CARS1: variants seen among roughly 807,000 people sequenced by gnomAD.
CARS1 encodes cysteine--tRNA ligase, cytoplasmic.
Under a neutral mutation model 106.2 loss-of-function variants are expected in CARS1, and 48 were observed. The ratio of observed to expected loss-of-function variants is 0.45; its 90% CI spans 0.36 to 0.57. The LOEUF (loss-of-function observed/expected upper bound fraction) is 0.57. Among genes scored for constraint, CARS1 ranks in the 20% least tolerant of loss-of-function variants. The probability of loss-of-function intolerance (pLI) is 0.00; values close to 1 mark genes in which losing one functional copy is unlikely to be tolerated. For missense variants in CARS1, 968 were observed against 1,057.2 expected, an observed-to-expected ratio of 0.92 and a Z score of 1.17; for synonymous variants, 409 against 403.4, an observed-to-expected ratio of 1.01 and a Z score of -0.17.
At chr11:3,042,470 G>C in intron 2 of CARS1, 1 of 546,706 alleles carries the variant, frequency 1.8e-6, no homozygotes, top group Non-Finnish European at 3.3e-6. Flanking sequence ...TGTCGCCCAG[G>C]CCAGAGTGCA....
chr11:3,010,533 CTTA>C (rs1174668426), intron 18 of CARS1, among the ~76,000 whole-genome samples: 4 of 152,256 alleles, frequency 2.6e-5, no homozygotes, highest in Non-Finnish European at 5.9e-5. Flanking sequence ...GGCGATGGTG[CTTA>C]TGTGGTCAGG....
At chr11:3,011,377 G>A (rs946002098) in intron 18 of CARS1, among the ~76,000 whole-genome samples, 7 of 151,882 alleles carry the variant, frequency 4.6e-5, no homozygotes, top group East Asian at 3.9e-4. Context: ...AGGCCGAGGC[G>A]GGTGGATCAC....
At position 3,038,699 on chromosome 11, in the gene CARS1, A is replaced by G. The variant is rs900533763; in HGVS notation, c.651+495T>C. On this transcript the variant is annotated intron_variant, in intron 6 of 22. Transcript: ENST00000380525. This position sits in a 1 kb window ranked among gnomAD's most constrained non-coding sequence, Gnocchi z 4.0. ...TAATTAGTAGAGAGTAAAATGACCT[A>G]TTCTTACTATTGTAATAAAAATAAG... Among the ~76,000 whole-genome samples, 5 of 152,254 alleles carry G rather than the reference A, an allele frequency of 3.3e-5. No homozygotes were observed. Among genetic ancestry groups the G allele is most frequent in the African/African-American group, 1.2e-4 (5 of 41,468 alleles).
At position 3,002,063 on chromosome 11, in the gene CARS1, G is replaced by A. The variant is rs768984365; in HGVS notation, c.2278-10C>T. ...TGGCCAGCTTTGCTGCCTAGAACACGCAACACGGCACAGTCACTGCCCCCG... is the reference window on the plus strand; with the variant it reads ...TGGCCAGCTTTGCTGCCTAGAACACACAACACGGCACAGTCACTGCCCCCG... On this transcript the variant is annotated splice_polypyrimidine_tract_variant and intron_variant, in intron 21 of 22. Transcript: ENST00000380525. 17 of 1,596,928 alleles carry A rather than the reference G, an allele frequency of 1.1e-5. No individual in the cohort carries two copies. The highest frequency in any genetic ancestry group is 4.5e-5 in the East Asian group (2 of 44,770).
chr11:3,025,112 T>C lies in CARS1; in HGVS notation c.1153+1564A>G, dbSNP rs187067912. Among the ~76,000 whole-genome samples the C allele has an allele frequency of 5.3e-5, 8 of 152,278 alleles. No homozygotes were observed. The East Asian group carries it at 1.5e-3, about 29-fold the overall frequency. ...CTCTCAGAGCTGAGGCGCTTCATCA[T>C]CACAAACCCGCCCCTCTACTCCCAC... is the stretch of plus-strand genomic sequence containing the variant. On this transcript the variant is annotated intron_variant, in intron 10 of 22. Coordinates refer to ENST00000380525, the MANE Select transcript of CARS1 (RefSeq NM_001014437.3).
chr11:3,017,139 C>T lies in CARS1; in HGVS notation c.1884G>A (p.Glu628=). ...TATGGGTGAGGTACAGGGCGATGTT[C>T]TCCAGCAGAGCCTGGTTGGGCCTCT... ...VRKRPNQALL[E]NIALYLTHML... is the part of the protein sequence containing the mutation. Residue 628 remains glutamate (E), a synonymous_variant, in exon 16 of 23, where the codon GAG becomes GAA. Coordinates refer to ENST00000380525, the MANE Select transcript of CARS1 (RefSeq NM_001014437.3). The surrounding 1 kb of genome is among the most constrained non-coding windows in gnomAD (Gnocchi z 4.9). The T allele has an allele frequency of 6.2e-7, 1 of 1,614,122 alleles. No individual in the cohort carries two copies. Among genetic ancestry groups the T allele is most frequent in the Non-Finnish European group, 8.5e-7 (1 of 1,179,986 alleles).
chr11:3,001,260 G>C lies in CARS1; in HGVS notation c.2362-12C>G, dbSNP rs555907079. 2 of 1,612,542 alleles carry C rather than the reference G, an allele frequency of 1.2e-6. No homozygotes were observed. The highest frequency in any genetic ancestry group is 8.5e-7 in the Non-Finnish European group (1 of 1,179,970). On this transcript the variant is annotated splice_polypyrimidine_tract_variant and intron_variant, in intron 22 of 22. Transcript: ENST00000380525. ...TGTGTGGGCAGACCCTGAAAACCCAGAGCACAGCGGCTATTGGTCTCCTCT... is the reference window on the plus strand; with the variant it reads ...TGTGTGGGCAGACCCTGAAAACCCACAGCACAGCGGCTATTGGTCTCCTCT...
In CARS1 at chr11:3,028,962, C is replaced by A; in HGVS notation, c.1031+34G>T. ...CTCCTCCCTGTGCGATGTTCTGCAG[C>A]CCTTCCCTCCCTAGGGAAGGCCCTT... On this transcript the variant is annotated intron_variant, in intron 9 of 22. Transcript: ENST00000380525. The surrounding 1 kb of genome is among the most constrained non-coding windows in gnomAD (Gnocchi z 4.4). 7.0e-7 allele frequency: 1 copy of A among 1,431,998 alleles called. No individual in the cohort carries two copies. The highest frequency in any genetic ancestry group is 9.9e-7 in the Non-Finnish European group (1 of 1,014,686). 88.7% of individuals were successfully genotyped at this position (1,431,998 alleles called of 1,614,324 possible).
rs1026931764 is a variant in CARS1, at chr11:3,012,118, C to T, written c.2068+77G>A. The T allele has an allele frequency of 3.8e-6, 5 of 1,314,004 alleles. No homozygotes were observed. In the Admixed American group the frequency reaches 5.0e-5, roughly 13 times the overall value. 81.4% of individuals were successfully genotyped at this position (1,314,004 alleles called of 1,614,324 possible). A position where few individuals can be genotyped will look rare whatever the true frequency, so the allele number is the denominator to read the frequency against. ...ATGATCCGGCCTGAACGCCATAGTG[C>T]CTCGGGGGAGACGCCCGGTCCGGGG... is the stretch of plus-strand genomic sequence containing the variant. On this transcript the variant is annotated intron_variant, in intron 18 of 22. Coordinates refer to ENST00000380525, the MANE Select transcript of CARS1 (RefSeq NM_001014437.3).
In CARS1 at chr11:3,029,803, C is replaced by G. The variant is rs1011943099; in HGVS notation, c.802-360G>C. The G allele has an allele frequency of 7.7e-6, 2 of 258,670 alleles. No homozygotes were observed. The highest frequency in any genetic ancestry group is 1.5e-5 in the Non-Finnish European group (2 of 135,116). The allele number at this position is 258,670 out of a possible 1,614,324, so 16.0% of individuals were successfully genotyped here. A position where few individuals can be genotyped will look rare whatever the true frequency, so the allele number is the denominator to read the frequency against. ...GGCTGGGCAGGAGCACACAGTGTGTCACCTACAGCACAACCCCTTGGTGCA... is the reference window on the plus strand; with the variant it reads ...GGCTGGGCAGGAGCACACAGTGTGTGACCTACAGCACAACCCCTTGGTGCA... On this transcript the variant is annotated intron_variant, in intron 7 of 22. Transcript: ENST00000380525. The surrounding 1 kb of genome is among the most constrained non-coding windows in gnomAD (Gnocchi z 5.9).
intron 2 of CARS1, 46 bp downstream of exon 2, chr11:3,047,707 T>C: frequency 6.4e-7 from 1 of 1,569,106 alleles, no homozygotes; most frequent in Non-Finnish European, 8.7e-7. Flanking sequence ...GCCCTTGACC[T>C]TGGGAGAGAG....
Position 3,020,145 on chromosome 11 carries a change from C to T in CARS1, c.1266+75G>A. On this transcript the variant is annotated intron_variant, in intron 11 of 22. Coordinates refer to ENST00000380525, the MANE Select transcript of CARS1 (RefSeq NM_001014437.3). This position sits in a 1 kb window ranked among gnomAD's most constrained non-coding sequence, Gnocchi z 4.6. ...CATCCTTCACACACAGAGCGGCCCTCTGCTGGGGGCCTGAGAGTGTGGCTG... is the reference window on the plus strand; with the variant it reads ...CATCCTTCACACACAGAGCGGCCCTTTGCTGGGGGCCTGAGAGTGTGGCTG... 1 of 907,334 alleles carries T rather than the reference C, an allele frequency of 1.1e-6. No homozygotes were observed. Among genetic ancestry groups the T allele is most frequent in the Non-Finnish European group, 1.9e-6 (1 of 539,930 alleles). 56.2% of individuals were successfully genotyped at this position (907,334 alleles called of 1,614,324 possible).
In CARS1 at chr11:3,002,577, C is replaced by T. The variant is rs146317056; in HGVS notation, c.2241G>A (p.Lys747=). Residue 747 remains lysine (K), a synonymous_variant, in exon 21 of 23, where the codon AAG becomes AAA. Transcript: ENST00000380525. ...GTTTCCTCCGGGCCGCCTCCTCTTTCTTCTTCCTCTTCTCCTCTTCAACCT... is the reference window on the plus strand; with the variant it reads ...GTTTCCTCCGGGCCGCCTCCTCTTTTTTCTTCCTCTTCTCCTCTTCAACCT... ...KRRVEEEKRK[K]KEEAARRKQE... 1,012 of 1,614,198 alleles carry T rather than the reference C, an allele frequency of 6.3e-4. 4 individuals carry two copies. Among genetic ancestry groups the T allele is most frequent in the Middle Eastern group, 6.6e-4 (4 of 6,062 alleles).
rs1263901633 is a variant in CARS1 at position 3,047,668 on chromosome 11, G to C, written c.274+85C>G. Reference sequence around the variant, plus strand: ...GGCTCCCTCTGGGGTATCCGCAGACGCCAGGTAAGCACCAGGGTGATGGAG... The same window carrying C: ...GGCTCCCTCTGGGGTATCCGCAGACCCCAGGTAAGCACCAGGGTGATGGAG... On this transcript the variant is annotated intron_variant, in intron 2 of 22. Coordinates refer to ENST00000380525, the MANE Select transcript of CARS1 (RefSeq NM_001014437.3). The C allele has an allele frequency of 4.0e-6, 6 of 1,509,056 alleles. No homozygotes were observed. In the African/African-American group the frequency reaches 7.0e-5, roughly 18 times the overall value. The allele number at this position is 1,509,056 out of a possible 1,614,324, so 93.5% of individuals were successfully genotyped here.
chr11:3,012,884 CTT>C (rs768906268), intron 17 of CARS1, among the ~76,000 whole-genome samples: 211 of 116,892 alleles, frequency 1.8e-3, no homozygotes, highest in African/African-American at 5.8e-3. Context: ...CTATATTTCC[CTT>C]TTTTTTTTTT....
intron 10 of CARS1, 77 bp downstream of exon 10, chr11:3,026,599 C>T (rs143387028): frequency 1.0e-4 from 159 of 1,538,648 alleles, no homozygotes; most frequent in Non-Finnish European, 1.3e-4. Context: ...GCGCAGCCCC[C>T]GTGGCCTGCA....
intron 18 of CARS1, among the ~76,000 whole-genome samples, chr11:3,011,545 C>T (rs913452863): frequency 1.3e-5 from 2 of 152,224 alleles, no homozygotes; most frequent in African/African-American, 4.8e-5. Flanking sequence ...ACCCGGGAGG[C>T]GGAGCTTGCA....
rs1019447528 is a variant in CARS1 at position 3,028,873 on chromosome 11, C to T, written c.1031+123G>A. 1 of 726,506 alleles carries T rather than the reference C, an allele frequency of 1.4e-6. No homozygotes were observed. Among genetic ancestry groups the T allele is most frequent in the Non-Finnish European group, 2.4e-6 (1 of 409,968 alleles). The allele number at this position is 726,506 out of a possible 1,614,324, so 45.0% of individuals were successfully genotyped here. On this transcript the variant is annotated intron_variant, in intron 9 of 22. Coordinates refer to ENST00000380525, the MANE Select transcript of CARS1 (RefSeq NM_001014437.3). The surrounding 1 kb of genome is among the most constrained non-coding windows in gnomAD (Gnocchi z 4.4). ...TGTAGGAGGAAGTCTGCTGGGACTT[C>T]TAGCTACGCAGCCCCAGAACACCTG...
chr11:3,023,354 T>C (rs1399691705), intron 10 of CARS1, among the ~76,000 whole-genome samples: 2 of 152,224 alleles, frequency 1.3e-5, no homozygotes, highest in Non-Finnish European at 2.9e-5. Flanking sequence ...TATCCATAGT[T>C]ACATTCCATT....
Sources: allele counts gnomAD v4.1 joint callset (sites outside exome capture counted in the v4.1 genomes callset), GRCh38; gene constraint gnomAD v4.1.1; non-coding constraint Gnocchi (gnomAD v3.1); transcripts MANE v1.5; gene names NCBI Gene and HGNC (gene_info 2026-07-23, HGNC 2026-07-21).